The following FREM1 variants were observed in gnomAD, a reference collection of about 807,000 sequenced individuals.
The protein encoded by FREM1 is FRAS1 related extracellular matrix 1, also known as FRAS1-related extracellular matrix protein 1.
In FREM1, 220 loss-of-function variants were observed where a neutral mutation model predicts 210.1. The observed-to-expected ratio is 1.05, with a 90% CI of 0.94 to 1.17. The LOEUF is 1.17. FREM1 is among the 50% of genes most tolerant of loss of function. The pLI is 0.00. For synonymous variants in FREM1, 1,189 were observed against 980.2 expected, an observed-to-expected ratio of 1.21 and a Z score of -3.98; for missense variants, 3,454 against 2,675.5, an observed-to-expected ratio of 1.29 and a Z score of -6.42.
chr9:14,870,707 GGTTA>G (rs1441126687), intron 1 of FREM1, among the ~76,000 whole-genome samples: 1 of 151,548 alleles, frequency 6.6e-6, no homozygotes, highest in Non-Finnish European at 1.5e-5. Context: ...ACAATGTGCA[GGTTA>G]GTTACATATG....
intron 28 of FREM1, among the ~76,000 whole-genome samples, chr9:14,757,419 G>A (rs1170098404): frequency 6.6e-6 from 1 of 152,226 alleles, no homozygotes; most frequent in Non-Finnish European, 1.5e-5. Context: ...GCCAGGCATG[G>A]TGGCGGCCGC....
At chr9:14,745,309 T>A (rs1332909630) in intron 35 of FREM1, among the ~76,000 whole-genome samples, 1 of 152,228 alleles carries the variant, frequency 6.6e-6, no homozygotes, top group East Asian at 1.9e-4. Flanking sequence ...GTCATATTTA[T>A]ACTTCAAACT....
chr9:14,800,736 A>G (rs1043368532), intron 20 of FREM1, among the ~76,000 whole-genome samples: 1 of 152,160 alleles, frequency 6.6e-6, no homozygotes, highest in African/African-American at 2.4e-5. Context: ...TGCCTTTTCA[A>G]TTACCTACTA....
intron 1 of FREM1, among the ~76,000 whole-genome samples, chr9:14,869,863 A>G (rs6474865): frequency 0.49 from 73,955 of 151,944 alleles, 18,944 homozygotes; most frequent in East Asian, 0.71. Flanking sequence ...ACTACGAATG[A>G]GGTGACATAG....
At chr9:14,837,039 A>C (rs147119579) in intron 10 of FREM1, among the ~76,000 whole-genome samples, 1,752 of 152,318 alleles carry the variant, frequency 0.012, 36 homozygotes, top group African/African-American at 0.038. Context: ...AATGCCGGCC[A>C]TTAGAAACTG....
In FREM1 at chr9:14,848,757, T is replaced by C; in HGVS notation, c.1169A>G (p.Tyr390Cys). The change falls in exon 7 of 37, where the codon TAC (tyrosine) becomes TGC (cysteine). Residue 390 changes from tyrosine to cysteine, a missense_variant. Transcript: ENST00000380880. ...RRHDEVELEV[Y>C]DFFFERSAPM... ...TGCACTCCTTTCAAAGAAGAAGTCG[T>C]ATACCTCCAATTCTACCTGTAAACA... 6.2e-7 allele frequency: 1 copy of C among 1,608,950 alleles called. No individual in the cohort carries two copies. Among genetic ancestry groups the C allele is most frequent in the Non-Finnish European group, 8.5e-7 (1 of 1,175,404 alleles).
chr9:14,877,991 C>A (rs1329483549), intron 1 of FREM1, among the ~76,000 whole-genome samples: 1 of 152,222 alleles, frequency 6.6e-6, no homozygotes, highest in African/African-American at 2.4e-5. Flanking sequence ...ATCCCCCGGT[C>A]CAAGCCACCA....
rs561625617 is a variant in FREM1, at chr9:14,864,753, G to A, written c.235-850C>T. On this transcript the variant is annotated intron_variant, in intron 2 of 36. Transcript: ENST00000380880. ...TGCACGCATGTCCACCATTGTGTTCGTGGTGTTTCGTCTGTACCTTTTCAC... is the reference window on the plus strand; with the variant it reads ...TGCACGCATGTCCACCATTGTGTTCATGGTGTTTCGTCTGTACCTTTTCAC... 3.5e-4 allele frequency among the ~76,000 whole-genome samples: 53 copies of A among 152,254 alleles called. No homozygotes were observed. In the East Asian group the frequency reaches 6.6e-3, roughly 19 times the overall value.
At chr9:14,742,259 T>A (rs1199197127) in intron 35 of FREM1, among the ~76,000 whole-genome samples, 3 of 152,136 alleles carry the variant, frequency 2.0e-5, no homozygotes, top group African/African-American at 7.2e-5. Flanking sequence ...TCTCTGAAAA[T>A]TTTTGATTAA....
chr9:14,750,426 T>C, intron 29 of FREM1, 150 bp from the exon 30 acceptor site: 1 of 583,568 alleles, frequency 1.7e-6, no homozygotes, highest in Non-Finnish European at 2.9e-6. Flanking sequence ...GTCCTGCTGT[T>C]CTCCCAAATA....
In FREM1 at chr9:14,820,215, A is replaced by T. The variant is rs190157920; in HGVS notation, c.2338-773T>A. On this transcript the variant is annotated intron_variant, in intron 13 of 36. Coordinates refer to ENST00000380880, the MANE Select transcript of FREM1 (RefSeq NM_001379081.2). ...CTTACCATGGAGGTTTATAAGGGACATAAGCATATTCAAGGCTCTGAGATC... is the reference window on the plus strand; with the variant it reads ...CTTACCATGGAGGTTTATAAGGGACTTAAGCATATTCAAGGCTCTGAGATC... Among the ~76,000 whole-genome samples the T allele has an allele frequency of 5.3e-5, 8 of 152,368 alleles. No homozygotes were observed. The East Asian group carries it at 1.5e-3, about 29-fold the overall frequency.
chr9:14,788,809 G>C, intron 23 of FREM1, 110 bp downstream of exon 23: 1 of 827,110 alleles, frequency 1.2e-6, no homozygotes, highest in Non-Finnish European at 1.9e-6. Flanking sequence ...ATGAAGAGTG[G>C]CAGGAAAAAA....
intron 1 of FREM1, among the ~76,000 whole-genome samples, chr9:14,900,291 C>T (rs1201525952): frequency 6.6e-6 from 1 of 152,144 alleles, no homozygotes; most frequent in East Asian, 1.9e-4. Flanking sequence ...AAAAGTACTC[C>T]AGGTGATTCT....
In FREM1 at chr9:14,770,823, G is replaced by A. The variant is rs112125323; in HGVS notation, c.4858-17C>T. 4.3e-5 allele frequency: 69 copies of A among 1,592,744 alleles called. 1 individual carries two copies. In the African/African-American group the frequency reaches 6.4e-4, roughly 15 times the overall value. ...TTGGTCTACCTGGATCATCAACAATGACATAAAATGTTGTCCAAAGGCCCC... is the reference window on the plus strand; with the variant it reads ...TTGGTCTACCTGGATCATCAACAATAACATAAAATGTTGTCCAAAGGCCCC... On this transcript the variant is annotated splice_polypyrimidine_tract_variant and intron_variant, in intron 25 of 36. Transcript: ENST00000380880.
chr9:14,854,302 A>C (rs772673813), intron 5 of FREM1, among the ~76,000 whole-genome samples: 5 of 152,174 alleles, frequency 3.3e-5, no homozygotes, highest in Non-Finnish European at 7.4e-5. Context: ...TGTATCTATT[A>C]CTACCACAAA....
At position 14,836,249 on chromosome 9, in the gene FREM1, A is replaced by G. The variant is rs543971357; in HGVS notation, c.1881+5198T>C. Among the ~76,000 whole-genome samples, 2 of 152,356 alleles carry G rather than the reference A, an allele frequency of 1.3e-5. No individual in the cohort carries two copies. Among genetic ancestry groups the G allele is most frequent in the East Asian group, 3.9e-4 (2 of 5,190 alleles). On this transcript the variant is annotated intron_variant, in intron 10 of 36. Transcript: ENST00000380880. The surrounding 1 kb of genome is among the most constrained non-coding windows in gnomAD (Gnocchi z 4.9). ...TTGCAATAGGGTTATACACGGTAGC[A>G]CCTTCAAACTAAAATATTGGACAGA...
intron 24 of FREM1, among the ~76,000 whole-genome samples, chr9:14,780,013 A>G (rs548590546): frequency 5.9e-5 from 9 of 152,262 alleles, no homozygotes; most frequent in Admixed American, 2.6e-4. Context: ...TACACGTGAA[A>G]AAAGGTCAGT....
rs566164071 is a variant in FREM1 at position 14,742,331 on chromosome 9, G to A, written c.6255-2097C>T. Among the ~76,000 whole-genome samples, 52 of 152,096 alleles carry A rather than the reference G, an allele frequency of 3.4e-4. 1 individual carries two copies. The highest frequency in any genetic ancestry group is 7.9e-4 in the Admixed American group (12 of 15,264). On this transcript the variant is annotated intron_variant, in intron 35 of 36. Transcript: ENST00000380880. ...CAGCAGGGGTTCCAGACACTCCTGC[G>A]GGAAAACAAAATGGCTTCATAGATA...
intron 27 of FREM1, among the ~76,000 whole-genome samples, chr9:14,768,252 A>G (rs1846816301): frequency 1.7e-5 from 2 of 118,814 alleles, no homozygotes; most frequent in South Asian, 6.5e-4. Context: ...ATGTTTTCTT[A>G]CTTGAATTAT....
Sources: gnomAD v4.1 joint callset for allele counts (sites outside exome capture counted in the v4.1 genomes callset) on GRCh38, gnomAD v4.1.1 for gene constraint, Gnocchi (gnomAD v3.1) non-coding constraint, MANE v1.5 for transcripts, NCBI Gene and HGNC (gene_info 2026-07-23, HGNC 2026-07-21) for gene names.